PEAK1: variants seen among roughly 807,000 people sequenced by gnomAD.
The protein encoded by PEAK1 is inactive tyrosine-protein kinase PEAK1.
A neutral mutation model predicts 124.7 loss-of-function variants in PEAK1; 54 were observed. The ratio of observed to expected loss-of-function variants is 0.43; its 90% CI spans 0.35 to 0.54. The LOEUF (loss-of-function observed/expected upper bound fraction) is 0.54. PEAK1 is among the 20% of genes least tolerant of loss of function. PEAK1 has a pLI of 0.01. For synonymous variants in PEAK1, 719 were observed against 760.0 expected, an observed-to-expected ratio of 0.95 and a Z score of 0.89; for missense variants, 2,046 against 2,134.5, an observed-to-expected ratio of 0.96 and a Z score of 0.82.
intron 6 of PEAK1, among the ~76,000 whole-genome samples, chr15:77,218,464 T>C (rs563783660): frequency 1.3e-5 from 2 of 152,226 alleles, no homozygotes; most frequent in Admixed American, 1.3e-4. Context: ...AAACCAACAC[T>C]GCAACCCTGG....
At chr15:77,302,039 GTGTCT>G (rs982585603) in intron 2 of PEAK1, among the ~76,000 whole-genome samples, 10 of 151,514 alleles carry the variant, frequency 6.6e-5, no homozygotes, top group East Asian at 1.9e-4. Context: ...TCCTATCGTT[GTGTCT>G]TGTTTTGTTT....
intron 2 of PEAK1, among the ~76,000 whole-genome samples, chr15:77,293,395 C>A (rs1460812325): frequency 6.6e-6 from 1 of 152,242 alleles, no homozygotes; most frequent in East Asian, 1.9e-4. Flanking sequence ...CATACTGACA[C>A]TCATACCTGA....
At chr15:77,255,521 T>TGAGAACACAAGCCACATAGTGATACGA in intron 5 of PEAK1, 1 of 323,156 alleles carries the variant, frequency 3.1e-6, no homozygotes. Context: ...ACAAGAAAAA[T>TGAGAACACAAGCCACATAGTGATACGA]ATTCCCAAAA....
Position 77,319,814 on chromosome 15 carries a change from G to C in PEAK1, c.-602-33310C>G, listed in dbSNP as rs369455919. Among the ~76,000 whole-genome samples, 5 of 152,208 alleles carry C rather than the reference G, an allele frequency of 3.3e-5. No homozygotes were observed. In the East Asian group the frequency reaches 9.6e-4, roughly 29 times the overall value. Reference sequence around the variant, plus strand: ...CCAAATTTATAGATGCACCCATTTAGAGCAGTGCAAATTCATCGCTGTTTC... The same window carrying C: ...CCAAATTTATAGATGCACCCATTTACAGCAGTGCAAATTCATCGCTGTTTC... On this transcript the variant is annotated intron_variant, in intron 2 of 9. Coordinates refer to ENST00000682557, the MANE Select transcript of PEAK1 (RefSeq NM_001385026.1).
chr15:77,197,404 T>C (rs1350014103), intron 6 of PEAK1, among the ~76,000 whole-genome samples: 1 of 152,150 alleles, frequency 6.6e-6, no homozygotes, highest in African/African-American at 2.4e-5. Context: ...TTTAATTAAT[T>C]TGGACATAAT....
intron 2 of PEAK1, chr15:77,348,386 G>A (rs2067001578): frequency 1.1e-6 from 1 of 899,658 alleles, no homozygotes; most frequent in Admixed American, 6.2e-5. Flanking sequence ...TTATTATTTG[G>A]TAATTACACT....
chr15:77,365,273 A>T, intron 1 of PEAK1, 48 bp from the exon 2 acceptor site: 2 of 799,580 alleles, frequency 2.5e-6, no homozygotes, highest in Non-Finnish European at 3.0e-6. Context: ...ATATGGTTGA[A>T]TCTGAGTATG....
chr15:77,313,690 GTGTATATATATATATGTA>G (rs1567244839), intron 2 of PEAK1, among the ~76,000 whole-genome samples: 6 of 122,592 alleles, frequency 4.9e-5, no homozygotes, highest in Non-Finnish European at 4.9e-5. Context: ...GTGTGTGTGT[GTGTATATATATATATGTA>G]TGTGTGTGTG....
At chr15:77,170,281 A>C (rs1035647266) in intron 7 of PEAK1, among the ~76,000 whole-genome samples, 1 of 152,146 alleles carries the variant, frequency 6.6e-6, no homozygotes, top group African/African-American at 2.4e-5. Context: ...TTCAATCATA[A>C]AAAGTTTAAA....
intron 6 of PEAK1, among the ~76,000 whole-genome samples, chr15:77,224,041 C>T (rs1391207187): frequency 6.6e-6 from 1 of 151,504 alleles, no homozygotes; most frequent in Admixed American, 6.6e-5. Flanking sequence ...TATTCATTTT[C>T]TTACTTTTTT....
intron 6 of PEAK1, among the ~76,000 whole-genome samples, chr15:77,188,305 C>A (rs1475159917): frequency 6.6e-6 from 1 of 152,202 alleles, no homozygotes; most frequent in Admixed American, 6.5e-5. Context: ...TAACAGTTCA[C>A]TGCTCCTGTC....
chr15:77,256,395 C>T (rs1278657739), intron 5 of PEAK1, among the ~76,000 whole-genome samples: 1 of 150,242 alleles, frequency 6.7e-6, no homozygotes, highest in East Asian at 2.0e-4. Flanking sequence ...TTAATAGTAG[C>T]GAATAGTTTC....
At chr15:77,334,070 T>G (rs777468081) in intron 2 of PEAK1, 8 of 776,306 alleles carry the variant, frequency 1.0e-5, no homozygotes, top group Non-Finnish European at 1.3e-5. Flanking sequence ...ACTCTCTTTA[T>G]GTTATCCTGT....
chr15:77,270,786 T>C (rs1439425746), intron 5 of PEAK1, among the ~76,000 whole-genome samples: 1 of 152,170 alleles, frequency 6.6e-6, no homozygotes, highest in East Asian at 1.9e-4. Flanking sequence ...TTTCACAATA[T>C]TGATTCTTCC....
intron 5 of PEAK1, among the ~76,000 whole-genome samples, chr15:77,267,752 C>A (rs2061814342): frequency 6.6e-6 from 1 of 152,028 alleles, no homozygotes; most frequent in Non-Finnish European, 1.5e-5. Context: ...ATATAGTATA[C>A]CCGAATAAGA....
At chr15:77,313,338 ATAAC>A (rs1160306366) in intron 2 of PEAK1, among the ~76,000 whole-genome samples, 4 of 152,236 alleles carry the variant, frequency 2.6e-5, no homozygotes, top group South Asian at 2.1e-4. Context: ...ACCAATATAA[ATAAC>A]TAAGTAAATA....
At chr15:77,183,836 CT>C (rs1199367805) in intron 6 of PEAK1, among the ~76,000 whole-genome samples, 1 of 150,914 alleles carries the variant, frequency 6.6e-6, no homozygotes, top group Non-Finnish European at 1.5e-5. Flanking sequence ...GATTTTTGAT[CT>C]TTTTTTTTGA....
At chr15:77,162,560 G>A (rs1431899436) in intron 7 of PEAK1, among the ~76,000 whole-genome samples, 2 of 138,214 alleles carry the variant, frequency 1.4e-5, no homozygotes, top group African/African-American at 5.5e-5. Context: ...CATAAAATCA[G>A]AAAACTCAAA....
rs936108594 is a variant in PEAK1, at chr15:77,112,430, AG to A, written c.*1725del. The A allele has an allele frequency of 5.3e-5, 8 of 152,190 alleles. No homozygotes were observed. The highest frequency in any genetic ancestry group is 1.9e-4 in the African/African-American group (8 of 41,432). 9.4% of individuals were successfully genotyped at this position (152,190 alleles called of 1,614,324 possible). On this transcript the variant is annotated 3_prime_UTR_variant, in exon 10 of 10. Transcript: ENST00000682557. ...TAAGGAAACTCTGCACTGGTAGATG[AG>A]GGGCCTCAGGGCTCACTCACTCACT...
Sources: allele counts gnomAD v4.1 joint callset (sites outside exome capture counted in the v4.1 genomes callset), GRCh38; gene constraint gnomAD v4.1.1; transcripts MANE v1.5; gene names NCBI Gene and HGNC (gene_info 2026-07-23, HGNC 2026-07-21).